Variants in AJAP1 observed in about 807,000 individuals in gnomAD.
AJAP1 encodes the protein adherens junction-associated protein 1.
A neutral mutation model predicts 35.0 loss-of-function variants in AJAP1; 5 were observed. The observed-to-expected ratio is 0.14, with a 90% CI of 0.07 to 0.30. The LOEUF (loss-of-function observed/expected upper bound fraction) is 0.30. Ranked by LOEUF, AJAP1 falls within the 10% of genes least tolerant of loss-of-function variation. AJAP1 has a pLI of 1.00. For missense variants in AJAP1, 586 were observed against 571.0 expected (o/e 1.03, Z -0.27); for synonymous variants, 284 against 249.3 (o/e 1.14, Z -1.31).
chr1:4,782,569 AC>A lies in AJAP1; in HGVS notation c.*85del. ...GGATTCCGTTGGTGAACCTGTAAAA[AC>A]AAAACAAACAAAACAAAACAAAAAA... On this transcript the variant is annotated 3_prime_UTR_variant, in exon 6 of 6. Coordinates refer to ENST00000378191, the MANE Select transcript of AJAP1 (RefSeq NM_018836.4). The surrounding 1 kb of genome is among the most constrained non-coding windows in gnomAD (Gnocchi z 5.3). 2.5e-6 allele frequency: 1 copy of A among 393,760 alleles called. No homozygotes were observed. Among genetic ancestry groups the A allele is most frequent in the Admixed American group, 4.4e-5 (1 of 22,600 alleles). The allele number at this position is 393,760 out of a possible 1,614,324, so 24.4% of individuals were successfully genotyped here.
chr1:4,762,412 C>A (rs1049558325), intron 2 of AJAP1, among the ~76,000 whole-genome samples: 2 of 152,202 alleles, frequency 1.3e-5, no homozygotes, highest in Non-Finnish European at 2.9e-5. Context: ...GTGGTATTAG[C>A]TTGACCTTCA....
intron 2 of AJAP1, among the ~76,000 whole-genome samples, chr1:4,763,295 T>G (rs114568229): frequency 0.018 from 2,737 of 152,332 alleles, 76 homozygotes; most frequent in African/African-American, 0.062. Context: ...GGGACTGCCC[T>G]TCACTGTGTT....
chr1:4,682,528 T>A (rs1378430634), intron 1 of AJAP1, among the ~76,000 whole-genome samples: 1 of 152,192 alleles, frequency 6.6e-6, no homozygotes, highest in Non-Finnish European at 1.5e-5. Context: ...GGCTCCTGCA[T>A]GGAGTTGGTC....
At position 4,734,226 on chromosome 1, in the gene AJAP1, C is replaced by A. The variant is rs61765041; in HGVS notation, c.829+21527C>A. 0.31 allele frequency among the ~76,000 whole-genome samples: 46,881 copies of A among 152,084 alleles called. 7,981 individuals carry two copies. Among genetic ancestry groups the A allele is most frequent in the African/African-American group, 0.45 (18,577 of 41,474 alleles). ...GCTCCTTCTTAGATGAAAGGAGTGCCTCAGCTGAGCCCCGGAATAGGAAGG... is the reference window on the plus strand; with the variant it reads ...GCTCCTTCTTAGATGAAAGGAGTGCATCAGCTGAGCCCCGGAATAGGAAGG... On this transcript the variant is annotated intron_variant, in intron 2 of 5. Transcript: ENST00000378191. This position sits in a 1 kb window ranked among gnomAD's most constrained non-coding sequence, Gnocchi z 4.3.
intron 1 of AJAP1, among the ~76,000 whole-genome samples, chr1:4,690,903 C>T (rs1166520621): frequency 6.6e-6 from 1 of 152,224 alleles, no homozygotes; most frequent in Non-Finnish European, 1.5e-5. Context: ...CAAGTGCGCA[C>T]TGGGTCATTG....
intron 1 of AJAP1, among the ~76,000 whole-genome samples, chr1:4,679,852 T>TGTGTGTGTAG (rs1553154879): frequency 2.6e-4 from 36 of 141,102 alleles, no homozygotes; most frequent in South Asian, 6.8e-4. Flanking sequence ...TGTGTGTGTG[T>TGTGTGTGTAG]AGAGAGAGAT....
intron 1 of AJAP1, among the ~76,000 whole-genome samples, chr1:4,705,564 G>C (rs1483073756): frequency 1.3e-5 from 2 of 151,664 alleles, no homozygotes; most frequent in African/African-American, 2.4e-5. Context: ...TTCAAGGTCA[G>C]CTTCAGCAGG....
intron 2 of AJAP1, among the ~76,000 whole-genome samples, chr1:4,735,942 G>A (rs1640911828): frequency 6.6e-6 from 1 of 152,212 alleles, no homozygotes; most frequent in Non-Finnish European, 1.5e-5. Context: ...ATTGAGGGGA[G>A]CAGAGCTTAG....
intron 1 of AJAP1, among the ~76,000 whole-genome samples, chr1:4,671,057 A>G (rs12141394): frequency 0.21 from 31,603 of 152,174 alleles, 4,193 homozygotes; most frequent in Middle Eastern, 0.38. Flanking sequence ...TAATAGGCGC[A>G]TGTGTTGGTC....
chr1:4,714,894 T>C (rs1311348615), intron 2 of AJAP1, among the ~76,000 whole-genome samples: 1 of 152,140 alleles, frequency 6.6e-6, no homozygotes, highest in Non-Finnish European at 1.5e-5. Flanking sequence ...GTGGGTACCA[T>C]GTAAATGAAT....
intron 2 of AJAP1, among the ~76,000 whole-genome samples, chr1:4,745,379 C>T (rs1045690148): frequency 6.6e-6 from 1 of 152,062 alleles, no homozygotes; most frequent in South Asian, 2.1e-4. Context: ...CCCCCATTAC[C>T]AGCCTTGCTT....
chr1:4,712,841 C>G lies in AJAP1; in HGVS notation c.829+142C>G, dbSNP rs1166615573. The G allele has an allele frequency of 2.5e-5, 21 of 847,712 alleles. No homozygotes were observed. In the East Asian group the frequency reaches 5.9e-4, roughly 24 times the overall value. 52.5% of individuals were successfully genotyped at this position (847,712 alleles called of 1,614,324 possible). ...CAGGCGTGATGTGTCCATGAGCTTG[C>G]ACATGCCTGTAGACTGGCAAATACA... On this transcript the variant is annotated intron_variant, in intron 2 of 5. Transcript: ENST00000378191.
At position 4,772,376 on chromosome 1, in the gene AJAP1, C is replaced by T; in HGVS notation, c.1014C>T (p.Ala338=). 1 of 1,614,234 alleles carries T rather than the reference C, an allele frequency of 6.2e-7. No individual in the cohort carries two copies. The highest frequency in any genetic ancestry group is 8.5e-7 in the Non-Finnish European group (1 of 1,180,042). ...AGAACCTCACGGACTTCCCCTCGGC[C>T]CGGGTGCCCAGCAGCCTGGACATAT... is the stretch of plus-strand genomic sequence containing the variant. ...SCQNLTDFPS[A]RVPSSLDIFT... The change falls in exon 4 of 6, where the codon GCC becomes GCT. Residue 338 remains alanine, a synonymous_variant. Transcript: ENST00000378191.
chr1:4,667,198 G>A (rs535262420), intron 1 of AJAP1, among the ~76,000 whole-genome samples: 4 of 152,220 alleles, frequency 2.6e-5, no homozygotes, highest in South Asian at 2.1e-4. Flanking sequence ...ACACGTCTGC[G>A]GTCAGTTGCC....
At chr1:4,704,429 T>C (rs1056853364) in intron 1 of AJAP1, among the ~76,000 whole-genome samples, 1 of 151,696 alleles carries the variant, frequency 6.6e-6, no homozygotes, top group African/African-American at 2.4e-5. Context: ...GTCCTTGCGA[T>C]AGTTACTGAG....
chr1:4,701,959 A>G (rs921553393), intron 1 of AJAP1, among the ~76,000 whole-genome samples: 5 of 152,122 alleles, frequency 3.3e-5, no homozygotes, highest in Non-Finnish European at 5.9e-5. Flanking sequence ...ACAGCCATTC[A>G]TAGATTGCCC....
At chr1:4,758,880 C>T (rs905064057) in intron 2 of AJAP1, among the ~76,000 whole-genome samples, 5 of 152,154 alleles carry the variant, frequency 3.3e-5, no homozygotes, top group African/African-American at 7.2e-5. Flanking sequence ...TCCCTCTACC[C>T]GAGATCCCAG....
intron 1 of AJAP1, among the ~76,000 whole-genome samples, chr1:4,706,692 C>T (rs767889070): frequency 3.3e-5 from 5 of 152,178 alleles, no homozygotes; most frequent in Non-Finnish European, 5.9e-5. Flanking sequence ...CGCACACTCC[C>T]GGCTCGGGGA....
exon 6 of AJAP1, chr1:4,792,532 AAAG>A (rs1043545339): frequency 7.9e-5 from 12 of 151,278 alleles, no homozygotes; most frequent in East Asian, 7.7e-4. Context: ...AAAAAAAAAA[AAAG>A]AAGAGAAAAA....
Sources: gnomAD v4.1 joint callset for allele counts (sites outside exome capture counted in the v4.1 genomes callset) on GRCh38, gnomAD v4.1.1 for gene constraint, Gnocchi (gnomAD v3.1) non-coding constraint, MANE v1.5 for transcripts, NCBI Gene and HGNC (gene_info 2026-07-23, HGNC 2026-07-21) for gene names.